Variants in PLP2 observed in about 807,000 individuals in gnomAD.
PLP2 encodes the protein proteolipid protein 2.
A neutral mutation model predicts 11.4 loss-of-function variants in PLP2; 8 were observed. The observed-to-expected ratio is 0.70, with a 90% CI of 0.41 to 1.27. PLP2 has a LOEUF of 1.27. Among genes scored for constraint, PLP2 ranks in the 50% most tolerant of loss-of-function variants. The pLI is 0.01. For missense variants in PLP2, 127 were observed against 123.5 expected (o/e 1.03, Z -0.14); for synonymous variants, 50 against 53.2 (o/e 0.94, Z 0.26).
rs1557099624 is a variant in PLP2 at position 49,174,684 on chromosome X, G to C, written c.449G>C (p.Gly150Ala). Residue 150 changes from glycine to alanine, a missense_variant, in exon 5 of 5, where the codon GGC (glycine) becomes GCC (alanine). By Grantham distance (60) the Gly-to-Ala change is moderately conservative. Coordinates refer to ENST00000376327, the MANE Select transcript of PLP2 (RefSeq NM_002668.3). ...HTAAPTDPAD[G>A]PV ...TCCTCACCTGCAGACCCCGCAGATG[G>C]CCCGGTGTAGGCGAACTTCCCTCAT... is the stretch of plus-strand genomic sequence containing the variant. 2 of 1,203,653 alleles carry C rather than the reference G, an allele frequency of 1.7e-6. No homozygotes were observed. Among genetic ancestry groups the C allele is most frequent in the African/African-American group, 3.5e-5 (2 of 56,959 alleles).
In PLP2 at chrX:49,174,655, CTT is replaced by C. The variant is rs1557099618; in HGVS notation, c.437-14_437-13del. On this transcript the variant is annotated splice_polypyrimidine_tract_variant and intron_variant, in intron 4 of 4. Transcript: ENST00000376327. Reference sequence around the variant, plus strand: ...TATAGATTCAGCCAATGCTTTCTCTCTTTTCCTCACCTGCAGACCCCGCAGAT... The same window carrying C: ...TATAGATTCAGCCAATGCTTTCTCTCTTCCTCACCTGCAGACCCCGCAGAT... 8.3e-7 allele frequency: 1 copy of C among 1,203,608 alleles called. No homozygotes were observed. Among genetic ancestry groups the C allele is most frequent in the South Asian group, 1.8e-5 (1 of 56,632 alleles).
intron 3 of PLP2, among the ~76,000 whole-genome samples, chrX:49,173,891 G>A (rs1412063284): frequency 9.0e-6 from 1 of 111,480 alleles, no homozygotes; most frequent in Non-Finnish European, 1.9e-5. Flanking sequence ...CCAACATGGC[G>A]AAACCCCATC....
In PLP2 at chrX:49,171,925, G is replaced by C; in HGVS notation, c.-76G>C. Reference sequence around the variant, plus strand: ...TCCCGGCCAGACGGCGGGCAAGACAGCTGGGTGTACAGCGTCCTCGAAACC... The same window carrying C: ...TCCCGGCCAGACGGCGGGCAAGACACCTGGGTGTACAGCGTCCTCGAAACC... On this transcript the variant is annotated 5_prime_UTR_variant, in exon 1 of 5. Coordinates refer to ENST00000376327, the MANE Select transcript of PLP2 (RefSeq NM_002668.3). 3 of 728,160 alleles carry C rather than the reference G, an allele frequency of 4.1e-6. No homozygotes were observed. Among genetic ancestry groups the C allele is most frequent in the Non-Finnish European group, 6.4e-6 (3 of 472,361 alleles). The allele number at this position is 728,160 out of a possible 1,213,427, so 60.0% of individuals were successfully genotyped here.
At chrX:49,172,194 C>T (rs1377834800) in intron 1 of PLP2, 98 bp downstream of exon 1, 4 of 627,184 alleles carry the variant, frequency 6.4e-6, no homozygotes, top group Admixed American at 2.7e-5. Context: ...TTGGCCGGGG[C>T]GCTCGGCAGT....
Position 49,171,989 on chromosome X carries a change from C to G in PLP2, c.-12C>G. 1 of 1,162,753 alleles carries G rather than the reference C, an allele frequency of 8.6e-7. No individual in the cohort carries two copies. The highest frequency in any genetic ancestry group is 1.2e-6 in the Non-Finnish European group (1 of 852,577). ...CAGATCCTCCGAGGCACCAGGGACT[C>G]CAGCCCATGCCATGGCGGATTCTGA... On this transcript the variant is annotated 5_prime_UTR_variant, in exon 1 of 5. Coordinates refer to ENST00000376327, the MANE Select transcript of PLP2 (RefSeq NM_002668.3).
Position 49,171,996 on chromosome X carries a change from A to G in PLP2, c.-5A>G. The G allele has an allele frequency of 8.5e-7, 1 of 1,182,793 alleles. No individual in the cohort carries two copies. Among genetic ancestry groups the G allele is most frequent in the Non-Finnish European group, 1.1e-6 (1 of 870,144 alleles). On this transcript the variant is annotated 5_prime_UTR_variant, in exon 1 of 5. An upstream start codon of the reference 5' UTR is lost. Coordinates refer to ENST00000376327, the MANE Select transcript of PLP2 (RefSeq NM_002668.3). The stretch of plus-strand genomic sequence containing the variant: ...TCCGAGGCACCAGGGACTCCAGCCC[A>G]TGCCATGGCGGATTCTGAGCGCCTC...
In PLP2 at chrX:49,173,616, G is replaced by C. The variant is rs1014759412; in HGVS notation, c.345+133G>C. The C allele has an allele frequency of 4.3e-6, 5 of 1,153,816 alleles. No homozygotes were observed. The Admixed American group carries it at 1.3e-4, about 30-fold the overall frequency. On this transcript the variant is annotated intron_variant, in intron 3 of 4. Transcript: ENST00000376327. The stretch of plus-strand genomic sequence containing the variant: ...CACTTGTCCTCAGACATGGAGGAAA[G>C]TCTGGCCCAGGACTTGGTTTTGCCT...
At position 49,175,025 on chromosome X, in the gene PLP2, A is replaced by G; in HGVS notation, c.*331A>G. 1 of 391,952 alleles carries G rather than the reference A, an allele frequency of 2.6e-6. No individual in the cohort carries two copies. Among genetic ancestry groups the G allele is most frequent in the South Asian group, 4.1e-5 (1 of 24,224 alleles). The allele number at this position is 391,952 out of a possible 1,213,427, so 32.3% of individuals were successfully genotyped here. On this transcript the variant is annotated 3_prime_UTR_variant, in exon 5 of 5. Coordinates refer to ENST00000376327, the MANE Select transcript of PLP2 (RefSeq NM_002668.3). ...CCTAGGTTGGGACCCACTCCAAATAATCTCCTCGGTGTGGGTGGTGGTTCT... is the reference window on the plus strand; with the variant it reads ...CCTAGGTTGGGACCCACTCCAAATAGTCTCCTCGGTGTGGGTGGTGGTTCT...
In PLP2 at chrX:49,174,873, C is replaced by T. The variant is rs781785328; in HGVS notation, c.*179C>T. 2.2e-4 allele frequency: 112 copies of T among 504,383 alleles called. 1 individual carries two copies. In the South Asian group the frequency reaches 3.0e-3, roughly 14 times the overall value. 41.6% of individuals were successfully genotyped at this position (504,383 alleles called of 1,213,427 possible). A position where few individuals can be genotyped will look rare whatever the true frequency, so the allele number is the denominator to read the frequency against. On this transcript the variant is annotated 3_prime_UTR_variant, in exon 5 of 5. Transcript: ENST00000376327. ...GCCAATCAACCCTCCTGGGTGTGGC[C>T]ACCATATGTGTGTGCCTAGGTCCTC...
intron 1 of PLP2, 50 bp from the exon 2 acceptor site, chrX:49,173,079 C>T: frequency 8.6e-7 from 1 of 1,157,381 alleles, no homozygotes. Context: ...AACCAATCTT[C>T]TCAGCCCTGG....
chrX:49,174,303 C>T (rs957390148), intron 3 of PLP2, 32 bp from the exon 4 acceptor site: 9 of 1,078,617 alleles, frequency 8.3e-6, no homozygotes, highest in Non-Finnish European at 1.0e-5. Flanking sequence ...ACCAGCTAAT[C>T]TAAACCCCCT....
chrX:49,174,241 G>T, intron 3 of PLP2, 94 bp from the exon 4 acceptor site: 1 of 655,583 alleles, frequency 1.5e-6, no homozygotes. Flanking sequence ...ATCCTGCGTG[G>T]GGCAGGTGCT....
intron 1 of PLP2, 58 bp downstream of exon 1, chrX:49,172,154 G>A: frequency 3.6e-6 from 3 of 828,444 alleles, no homozygotes; most frequent in Non-Finnish European, 5.4e-6. Flanking sequence ...TGGACCATGC[G>A]GAACTGGATG....
chrX:49,173,913 T>C (rs922186922), intron 3 of PLP2, among the ~76,000 whole-genome samples: 2 of 110,918 alleles, frequency 1.8e-5, no homozygotes, highest in African/African-American at 3.3e-5. Flanking sequence ...CCACTAAAAA[T>C]ACAAAAATCA....
rs782026655 is a variant in PLP2, at chrX:49,173,245, G to A, written c.213G>A (p.Leu71=). The A allele has an allele frequency of 2.8e-5, 34 of 1,208,864 alleles. No homozygotes were observed. The Admixed American group carries it at 7.0e-4, about 25-fold the overall frequency. The part of the protein sequence containing the change: ...AIFFVVYMCD[L]HTKIPFINWP... Reference sequence around the variant, plus strand: ...TCTTTGTTGTCTACATGTGTGACCTGCACACCAAGATACCATTCATCAACT... The same window carrying A: ...TCTTTGTTGTCTACATGTGTGACCTACACACCAAGATACCATTCATCAACT... The change falls in exon 2 of 5, where the codon CTG becomes CTA. Residue 71 remains leucine, a synonymous_variant. Transcript: ENST00000376327.
intron 1 of PLP2, 46 bp downstream of exon 1, chrX:49,172,142 G>A (rs782695898): frequency 1.1e-6 from 1 of 925,960 alleles, no homozygotes. Flanking sequence ...GGATGGGGTG[G>A]CTGGACCATG....
chrX:49,174,340 G>T lies in PLP2; in HGVS notation c.351G>T (p.Leu117=). ...ACTCCTATCCTGTCCCCCAGGTACT[G>T]GGCCTAATCGCTACGTGCCTCTTTG... ...GNHSKIVAGV[L]GLIATCLFGY... Residue 117 remains leucine (L), a synonymous_variant, in exon 4 of 5, where the codon CTG becomes CTT. Transcript: ENST00000376327. The T allele has an allele frequency of 8.3e-7, 1 of 1,205,099 alleles. No individual in the cohort carries two copies. The highest frequency in any genetic ancestry group is 1.8e-5 in the South Asian group (1 of 56,824).
At position 49,173,289 on chromosome X, in the gene PLP2, G is replaced by A. The variant is rs1557099423; in HGVS notation, c.249+8G>A. 8.3e-7 allele frequency: 1 copy of A among 1,210,693 alleles called. No homozygotes were observed. Among genetic ancestry groups the A allele is most frequent in the Non-Finnish European group, 1.1e-6 (1 of 894,481 alleles). On this transcript the variant is annotated splice_region_variant and intron_variant, in intron 2 of 4. Coordinates refer to ENST00000376327, the MANE Select transcript of PLP2 (RefSeq NM_002668.3). ...ATCAACTGGCCCTGGAGTGTGAGAA[G>A]GGGTCCACAATGGCAAGACCAGGGA... is the stretch of plus-strand genomic sequence containing the variant.
At position 49,173,386 on chromosome X, in the gene PLP2, A is replaced by G. The variant is rs113326074; in HGVS notation, c.250-2A>G. On this transcript the variant is annotated splice_acceptor_variant, in intron 2 of 4. Transcript: ENST00000376327. LOFTEE classifies it high-confidence loss of function. ...CCCTCTTCTCCTCCCTACACCTCAC[A>G]GGATTTCTTCCGAACCCTCATAGCG... 1 of 1,211,001 alleles carries G rather than the reference A, an allele frequency of 8.3e-7. No homozygotes were observed. Among genetic ancestry groups the G allele is most frequent in the Non-Finnish European group, 1.1e-6 (1 of 894,872 alleles).
Sources: allele counts gnomAD v4.1 joint callset (sites outside exome capture counted in the v4.1 genomes callset), GRCh38; gene constraint gnomAD v4.1.1; transcripts MANE v1.5; gene names NCBI Gene and HGNC (gene_info 2026-07-23, HGNC 2026-07-21).